Variants in NAA11 observed in about 807,000 individuals in gnomAD.
NAA11 encodes N-alpha-acetyltransferase 11.
In NAA11, 15 loss-of-function variants were observed where a neutral mutation model predicts 16.1. That is an observed-to-expected ratio of 0.93 (90% CI 0.62 to 1.44). The LOEUF (loss-of-function observed/expected upper bound fraction) is 1.44. Ranked by LOEUF, NAA11 falls within the 40% of genes most tolerant of loss-of-function variation. The probability of loss-of-function intolerance (pLI) is 0.00; values close to 1 mark genes in which losing one functional copy is unlikely to be tolerated. For synonymous variants in NAA11, 122 were observed against 112.4 expected, an observed-to-expected ratio of 1.09 and a Z score of -0.54; for missense variants, 298 against 291.3, an observed-to-expected ratio of 1.02 and a Z score of -0.17.
the NAA11 span, among the ~76,000 whole-genome samples, chr4:79,210,597 A>C: frequency 6.6e-6 from 1 of 152,142 alleles, no homozygotes. Context: ...ATAAATTTAA[A>C]AGGAGGGGTT....
At chr4:79,164,529 A>G in the NAA11 span, among the ~76,000 whole-genome samples, 1 of 152,146 alleles carries the variant, frequency 6.6e-6, no homozygotes. Flanking sequence ...ACACTCTTTC[A>G]CCCACTTAGT....
At chr4:79,310,258 T>A (rs1465458749) in intron 1 of NAA11, among the ~76,000 whole-genome samples, 1 of 152,238 alleles carries the variant, frequency 6.6e-6, no homozygotes, top group Non-Finnish European at 1.5e-5. Flanking sequence ...CGTATTGGAA[T>A]GATTAGGCTT....
At chr4:79,303,091 T>TAC (rs1723452966) in intron 1 of NAA11, among the ~76,000 whole-genome samples, 1 of 60,092 alleles carries the variant, frequency 1.7e-5, no homozygotes, top group Non-Finnish European at 3.4e-5. Flanking sequence ...TATATATATA[T>TAC]ATATATATAT....
At chr4:79,309,332 AC>A (rs1464364512) in intron 1 of NAA11, among the ~76,000 whole-genome samples, 3 of 152,218 alleles carry the variant, frequency 2.0e-5, no homozygotes, top group Non-Finnish European at 1.5e-5. Context: ...AAAAACATAA[AC>A]ACTGATGAAA....
the NAA11 span, among the ~76,000 whole-genome samples, chr4:79,165,481 C>G: frequency 6.6e-6 from 1 of 152,216 alleles, no homozygotes; most frequent in African/African-American, 2.4e-5. Context: ...CTTCCTGTTA[C>G]TCTCCCTTTG....
rs1284734532 is a variant in NAA11 at position 79,325,788 on chromosome 4, G to A, written c.90C>T (p.Tyr30=). 1 of 1,614,204 alleles carries A rather than the reference G, an allele frequency of 6.2e-7. No individual in the cohort carries two copies. The highest frequency in any genetic ancestry group is 8.5e-7 in the Non-Finnish European group (1 of 1,180,034). The change falls in exon 1 of 2, where the codon TAC becomes TAT. Residue 30 remains tyrosine, a synonymous_variant. Transcript: ENST00000286794. ...LCLPENYQMK[Y]YLYHGLSWPQ... ...GCCAGGAAAGGCCATGATATAAATA[G>A]TATTTCATCTGGTAGTTCTCAGGAA...
the NAA11 span, among the ~76,000 whole-genome samples, chr4:79,161,369 C>T: frequency 1.3e-5 from 2 of 152,106 alleles, no homozygotes; most frequent in Non-Finnish European, 1.5e-5. Flanking sequence ...AAATTCTATT[C>T]CAATTATCTG....
chr4:79,246,649 T>G (rs1270746527), intron 2 of NAA11, among the ~76,000 whole-genome samples: 1 of 152,196 alleles, frequency 6.6e-6, no homozygotes, highest in Non-Finnish European at 1.5e-5. Context: ...TTACTTCTGT[T>G]CCTAAGGCAG....
In NAA11 at chr4:79,325,176, C is replaced by A. The variant is rs1289343263; in HGVS notation, c.*12G>T. The A allele has an allele frequency of 1.9e-6, 3 of 1,592,178 alleles. No individual in the cohort carries two copies. In the African/African-American group the frequency reaches 4.0e-5, roughly 21 times the overall value. On this transcript the variant is annotated splice_region_variant and 3_prime_UTR_variant, in exon 1 of 2. Coordinates refer to ENST00000286794, the MANE Select transcript of NAA11 (RefSeq NM_032693.3). ...TACTGGGTCAGGGAAGACAGAATAC[C>A]TTAAGCATGCTCTAGGAGGTGGAAT...
the NAA11 span, among the ~76,000 whole-genome samples, chr4:79,184,746 A>G: frequency 6.6e-6 from 1 of 152,196 alleles, no homozygotes; most frequent in Non-Finnish European, 1.5e-5. Flanking sequence ...TTTGGCTGTG[A>G]AAAACGTCTT....
the NAA11 span, among the ~76,000 whole-genome samples, chr4:79,158,257 GC>G: frequency 6.6e-6 from 1 of 152,004 alleles, no homozygotes; most frequent in Non-Finnish European, 1.5e-5. Flanking sequence ...AATGAATTCA[GC>G]AAAGTTTCAG....
the NAA11 span, among the ~76,000 whole-genome samples, chr4:79,202,187 C>G: frequency 6.6e-6 from 1 of 151,354 alleles, no homozygotes; most frequent in Non-Finnish European, 1.5e-5. Flanking sequence ...GTTTGTGTTT[C>G]TATGCCTGGC....
intron 2 of NAA11, among the ~76,000 whole-genome samples, chr4:79,231,236 A>G (rs1216175027): frequency 6.6e-6 from 1 of 151,958 alleles, no homozygotes; most frequent in Non-Finnish European, 1.5e-5. Flanking sequence ...GGTTTGGCAG[A>G]GTGATAGTCT....
chr4:79,268,858 C>A (rs1278456599), intron 2 of NAA11, among the ~76,000 whole-genome samples: 4 of 114,446 alleles, frequency 3.5e-5, no homozygotes, highest in African/African-American at 3.4e-5. Context: ...CCCCTCCCCC[C>A]ACCCCACCAC....
intron 2 of NAA11, among the ~76,000 whole-genome samples, chr4:79,258,236 C>A (rs1722163447): frequency 6.6e-6 from 1 of 152,252 alleles, no homozygotes; most frequent in South Asian, 2.1e-4. Flanking sequence ...CAAGTTGTGG[C>A]TGCAGACCCA....
At chr4:79,261,763 G>A (rs1181199978) in intron 2 of NAA11, among the ~76,000 whole-genome samples, 2 of 152,168 alleles carry the variant, frequency 1.3e-5, no homozygotes, top group Non-Finnish European at 1.5e-5. Flanking sequence ...GCAGCATTCT[G>A]CAAGGAATTT....
At chr4:79,252,478 TAATAAAC>T (rs1722017698) in intron 2 of NAA11, among the ~76,000 whole-genome samples, 1 of 151,660 alleles carries the variant, frequency 6.6e-6, no homozygotes, top group African/African-American at 2.4e-5. Flanking sequence ...GGTAGATAGA[TAATAAAC>T]AATAAAATAA....
the NAA11 span, among the ~76,000 whole-genome samples, chr4:79,196,911 C>A: frequency 8.4e-6 from 1 of 118,524 alleles, no homozygotes; most frequent in Admixed American, 1.2e-4. Context: ...ATAGAAGGGG[C>A]CATGAACCAG....
intron 2 of NAA11, among the ~76,000 whole-genome samples, chr4:79,286,685 A>G (rs1421675998): frequency 3.3e-5 from 5 of 152,082 alleles, no homozygotes; most frequent in African/African-American, 1.2e-4. Context: ...GATTTGTACT[A>G]TAAAGAATAT....
Sources: allele counts gnomAD v4.1 joint callset (sites outside exome capture counted in the v4.1 genomes callset), GRCh38; gene constraint gnomAD v4.1.1; transcripts MANE v1.5; gene names NCBI Gene and HGNC (gene_info 2026-07-23, HGNC 2026-07-21).